The following LIPC variants were observed in gnomAD, a reference collection of about 807,000 sequenced individuals.
The protein encoded by LIPC is hepatic triacylglycerol lipase.
LIPC carries 44 observed loss-of-function variants against 50.7 expected under a neutral mutation model. That is an observed-to-expected ratio of 0.87 (90% CI 0.68 to 1.11). The LOEUF is 1.11. Ranked by LOEUF, LIPC falls within the 50% of genes most tolerant of loss-of-function variation. The pLI, the probability that LIPC is intolerant of heterozygous loss-of-function variation, is 0.00. For missense variants in LIPC, 697 were observed against 648.2 expected (o/e 1.08, Z -0.82); for synonymous variants, 271 against 256.4 (o/e 1.06, Z -0.54).
At chr15:58,490,416 G>C (rs971446822) in intron 1 of LIPC, among the ~76,000 whole-genome samples, 2 of 152,176 alleles carry the variant, frequency 1.3e-5, no homozygotes, top group Non-Finnish European at 2.9e-5. Context: ...CAGGGCTCTT[G>C]AATGCCCCTT....
At chr15:58,516,876 G>A (rs1347372317) in intron 1 of LIPC, among the ~76,000 whole-genome samples, 1 of 152,082 alleles carries the variant, frequency 6.6e-6, no homozygotes, top group African/African-American at 2.4e-5. Context: ...TGCATGCCTG[G>A]TAATTTTTGA....
chr15:58,451,487 A>G (rs1893897132), intron 1 of LIPC, among the ~76,000 whole-genome samples: 1 of 151,982 alleles, frequency 6.6e-6, no homozygotes, highest in African/African-American at 2.4e-5. Flanking sequence ...CAGTCCTTGG[A>G]ACTCAAACTT....
chr15:58,558,475 G>T (rs1894036055), intron 6 of LIPC, among the ~76,000 whole-genome samples: 1 of 152,140 alleles, frequency 6.6e-6, no homozygotes, highest in South Asian at 2.1e-4. Context: ...TACAGCAGGG[G>T]TCCCCAACCC....
intron 8 of LIPC, chr15:58,566,300 G>A (rs28602186): frequency 0.15 from 148,797 of 985,186 alleles, 12,041 homozygotes; most frequent in South Asian, 0.34. Context: ...ACAGGCAGCC[G>A]GCAAAGCAAT....
chr15:58,439,724 G>A (rs1242517442), intron 1 of LIPC, among the ~76,000 whole-genome samples: 1 of 152,212 alleles, frequency 6.6e-6, no homozygotes, highest in Non-Finnish European at 1.5e-5. Context: ...TTACAGGCGT[G>A]AGCCACCGCC....
chr15:58,458,712 C>T (rs1171474790), intron 1 of LIPC, among the ~76,000 whole-genome samples: 2 of 152,200 alleles, frequency 1.3e-5, no homozygotes, highest in African/African-American at 4.8e-5. Context: ...CAGCCCTTGC[C>T]AGCAGAATCT....
intron 2 of LIPC, among the ~76,000 whole-genome samples, chr15:58,540,826 T>C (rs375481755): frequency 2.0e-5 from 3 of 152,128 alleles, no homozygotes; most frequent in Admixed American, 6.5e-5. Flanking sequence ...TTTGTTGCGA[T>C]AGGGTCTCAC....
chr15:58,535,145 C>T (rs575752394), intron 1 of LIPC, among the ~76,000 whole-genome samples: 1 of 152,326 alleles, frequency 6.6e-6, no homozygotes, highest in East Asian at 1.9e-4. Context: ...GACCTCTTCC[C>T]TAAAGCCCCT....
intron 1 of LIPC, among the ~76,000 whole-genome samples, chr15:58,484,734 C>T (rs1447932655): frequency 6.6e-6 from 1 of 151,578 alleles, no homozygotes; most frequent in African/African-American, 2.4e-5. Flanking sequence ...CACACTGCCT[C>T]ACAACACACT....
chr15:58,538,488 C>CCTT lies in LIPC; in HGVS notation c.246_247insTCT (p.Pro82_Leu83insSer). On this transcript the variant is annotated inframe_insertion, in exon 2 of 9. Transcript: ENST00000299022. ...GGAGTGCGGCTTCAACTCCTCCCTGCCTCTGGTGATGATAATCCACGGGTG... is the reference window on the plus strand; with the variant it reads ...GGAGTGCGGCTTCAACTCCTCCCTGCCTTCTCTGGTGATGATAATCCACGGGTG... 6.2e-7 allele frequency: 1 copy of CCTT among 1,614,184 alleles called. No individual in the cohort carries two copies. The highest frequency in any genetic ancestry group is 8.5e-7 in the Non-Finnish European group (1 of 1,180,032).
intron 4 of LIPC, among the ~76,000 whole-genome samples, chr15:58,543,567 A>G (rs974493367): frequency 4.6e-5 from 7 of 152,060 alleles, no homozygotes; most frequent in African/African-American, 1.7e-4. Flanking sequence ...ACAATATTTC[A>G]CAGGCCAAAA....
At chr15:58,444,609 T>C (rs1893624977) in intron 1 of LIPC, among the ~76,000 whole-genome samples, 2 of 152,208 alleles carry the variant, frequency 1.3e-5, no homozygotes, top group South Asian at 4.1e-4. Flanking sequence ...GTCTCTTCTG[T>C]CTGCACACAG....
At chr15:58,525,059 A>G (rs1315810317) in intron 1 of LIPC, among the ~76,000 whole-genome samples, 1 of 152,098 alleles carries the variant, frequency 6.6e-6, no homozygotes. Context: ...CTGTTATTTC[A>G]TTTAAAAATT....
chr15:58,563,535 T>C lies in LIPC; in HGVS notation c.1200T>C (p.Tyr400=). ...AAGGAATTGCTAGTAATAAAACGTATTCCTTTCTTATCACGCTGGATGTGG... is the reference window on the plus strand; with the variant it reads ...AAGGAATTGCTAGTAATAAAACGTACTCCTTTCTTATCACGCTGGATGTGG... ...LGKGIASNKT[Y]SFLITLDVDI... Residue 400 remains tyrosine, a synonymous_variant, in exon 8 of 9, where the codon TAT becomes TAC. Coordinates refer to ENST00000299022, the MANE Select transcript of LIPC (RefSeq NM_000236.3). 6.2e-7 allele frequency: 1 copy of C among 1,614,226 alleles called. No individual in the cohort carries two copies. Among genetic ancestry groups the C allele is most frequent in the Non-Finnish European group, 8.5e-7 (1 of 1,180,032 alleles).
At chr15:58,531,934 C>G (rs1235747479) in intron 1 of LIPC, among the ~76,000 whole-genome samples, 1 of 152,154 alleles carries the variant, frequency 6.6e-6, no homozygotes, top group Non-Finnish European at 1.5e-5. Context: ...ATTACCACGG[C>G]TTTACAAAGC....
chr15:58,545,316 G>C (rs11632970), intron 4 of LIPC, among the ~76,000 whole-genome samples: 23,566 of 151,806 alleles, frequency 0.16, 2,247 homozygotes, highest in Non-Finnish European at 0.21. Flanking sequence ...ATGATTCGCT[G>C]CTACCTCAAA....
intron 8 of LIPC, chr15:58,565,269 C>G (rs1389519079): frequency 6.5e-7 from 1 of 1,535,698 alleles, no homozygotes; most frequent in Non-Finnish European, 8.7e-7. Flanking sequence ...CCCATTGGAG[C>G]AGCGCTGCTT....
intron 1 of LIPC, among the ~76,000 whole-genome samples, chr15:58,472,810 T>C (rs1890857501): frequency 6.6e-6 from 1 of 152,132 alleles, no homozygotes; most frequent in African/African-American, 2.4e-5. Context: ...ACAACGGCCT[T>C]ATGAGGTTTG....
At chr15:58,508,247 G>T (rs756353016) in intron 1 of LIPC, among the ~76,000 whole-genome samples, 1 of 151,790 alleles carries the variant, frequency 6.6e-6, no homozygotes. Context: ...AGGGTGGGGG[G>T]TAGGGAGTGA....
Sources: gnomAD v4.1 joint callset for allele counts (sites outside exome capture counted in the v4.1 genomes callset) on GRCh38, gnomAD v4.1.1 for gene constraint, MANE v1.5 for transcripts, NCBI Gene and HGNC (gene_info 2026-07-23, HGNC 2026-07-21) for gene names.